OPRD1: variants seen among roughly 807,000 people sequenced by gnomAD.
OPRD1 encodes the protein opioid receptor delta 1.
OPRD1 carries 19 observed loss-of-function variants against 17.5 expected under a neutral mutation model. That is an observed-to-expected ratio of 1.09 (90% CI 0.76 to 1.60). The LOEUF (loss-of-function observed/expected upper bound fraction) is 1.60. Among genes scored for constraint, OPRD1 ranks in the 40% most tolerant of loss-of-function variants. The pLI is 0.00. For synonymous variants in OPRD1, 256 were observed against 240.9 expected (o/e 1.06, Z -0.58); for missense variants, 483 against 547.2 (o/e 0.88, Z 1.17).
At chr1:28,856,173 G>A (rs564592557) in intron 1 of OPRD1, among the ~76,000 whole-genome samples, 4 of 152,364 alleles carry the variant, frequency 2.6e-5, no homozygotes, top group African/African-American at 9.6e-5. Context: ...CTCAGTTCTC[G>A]CCTTGGCTCC....
chr1:28,825,760 G>C (rs951851646), intron 1 of OPRD1, among the ~76,000 whole-genome samples: 1 of 152,228 alleles, frequency 6.6e-6, no homozygotes, highest in African/African-American at 2.4e-5. Context: ...AGAACTCCAG[G>C]TTCCCTGGGA....
Position 28,849,494 on chromosome 1 carries a change from ACACACACACACATG to A in OPRD1, c.228-9447_228-9434del, listed in dbSNP as rs1157864679. 2.6e-5 allele frequency among the ~76,000 whole-genome samples: 4 copies of A among 151,846 alleles called. 1 individual carries two copies. Among genetic ancestry groups the A allele is most frequent in the Non-Finnish European group, 5.9e-5 (4 of 67,912 alleles). ...ACAGAGCCCTCACACTGATACACAT[ACACACACACACATG>A]CACACACACACACGCACACACAGGG... On this transcript the variant is annotated intron_variant, in intron 1 of 2. Coordinates refer to ENST00000234961, the MANE Select transcript of OPRD1 (RefSeq NM_000911.4).
intron 1 of OPRD1, among the ~76,000 whole-genome samples, chr1:28,852,701 T>C (rs966059642): frequency 2.0e-5 from 3 of 151,948 alleles, no homozygotes; most frequent in African/African-American, 7.3e-5. Flanking sequence ...CTTTCTTTCT[T>C]TTTCTTTTTA....
intron 1 of OPRD1, among the ~76,000 whole-genome samples, chr1:28,817,218 A>C (rs537497464): frequency 6.6e-6 from 1 of 152,276 alleles, no homozygotes; most frequent in South Asian, 2.1e-4. Flanking sequence ...AGCAAGCCGG[A>C]TCGCCTCACT....
intron 2 of OPRD1, among the ~76,000 whole-genome samples, chr1:28,861,908 CTTTTCT>C (rs1359368593): frequency 1.4e-5 from 2 of 144,156 alleles, no homozygotes; most frequent in Non-Finnish European, 3.0e-5. Context: ...CTTTTCTTTT[CTTTTCT>C]TTTTTTTTTT....
At chr1:28,824,220 C>A (rs2124262986) in intron 1 of OPRD1, among the ~76,000 whole-genome samples, 1 of 148,510 alleles carries the variant, frequency 6.7e-6, no homozygotes, top group East Asian at 2.0e-4. Context: ...GAACACCACA[C>A]AGAGAGAGGC....
intron 1 of OPRD1, among the ~76,000 whole-genome samples, chr1:28,847,344 G>A (rs537998516): frequency 1.5e-4 from 23 of 152,108 alleles, no homozygotes; most frequent in African/African-American, 5.3e-4. Flanking sequence ...GAGCTACCGC[G>A]CCCAGCCGAG....
intron 1 of OPRD1, among the ~76,000 whole-genome samples, chr1:28,824,319 T>C (rs929563261): frequency 1.4e-4 from 19 of 134,554 alleles, no homozygotes; most frequent in Admixed American, 4.3e-4. Flanking sequence ...TTTTCTTTTT[T>C]TTTTTTTTTT....
At chr1:28,849,004 C>T (rs1016588919) in intron 1 of OPRD1, among the ~76,000 whole-genome samples, 1 of 152,154 alleles carries the variant, frequency 6.6e-6, no homozygotes, top group Admixed American at 6.5e-5. Context: ...CTCCACTCTG[C>T]AAGAAGGCAA....
At chr1:28,845,361 A>C (rs1364787640) in intron 1 of OPRD1, among the ~76,000 whole-genome samples, 1 of 151,258 alleles carries the variant, frequency 6.6e-6, no homozygotes, top group Non-Finnish European at 1.5e-5. Context: ...TGCTGGTGGG[A>C]GCCTATAATC....
chr1:28,828,847 G>A (rs934106039), intron 1 of OPRD1, among the ~76,000 whole-genome samples: 3 of 151,910 alleles, frequency 2.0e-5, no homozygotes, highest in Non-Finnish European at 4.4e-5. Context: ...AAAATTAGCC[G>A]GGTGTGATGA....
chr1:28,846,359 G>A (rs1023614374), intron 1 of OPRD1, among the ~76,000 whole-genome samples: 6 of 152,126 alleles, frequency 3.9e-5, no homozygotes, highest in Non-Finnish European at 7.3e-5. Context: ...CTGCCACCAC[G>A]GTCAGGTTCT....
intron 1 of OPRD1, among the ~76,000 whole-genome samples, chr1:28,819,404 T>C (rs1373728168): frequency 6.6e-6 from 1 of 152,186 alleles, no homozygotes; most frequent in Non-Finnish European, 1.5e-5. Flanking sequence ...TGGTCTTGCC[T>C]GGAGCCTGCT....
At chr1:28,854,738 C>T (rs746387537) in intron 1 of OPRD1, among the ~76,000 whole-genome samples, 13 of 151,922 alleles carry the variant, frequency 8.6e-5, no homozygotes, top group Admixed American at 3.9e-4. Flanking sequence ...CTGCAACCTC[C>T]GCCTCCTGGG....
chr1:28,833,753 G>A (rs944069852), intron 1 of OPRD1, among the ~76,000 whole-genome samples: 2 of 152,146 alleles, frequency 1.3e-5, no homozygotes, highest in Non-Finnish European at 2.9e-5. Context: ...GCTGTGTTTC[G>A]TTGGGCAAGT....
chr1:28,847,043 T>TTCTCCTTTCCTG (rs2088960061), intron 1 of OPRD1, among the ~76,000 whole-genome samples: 2 of 61,834 alleles, frequency 3.2e-5, no homozygotes, highest in Admixed American at 3.4e-4. Context: ...CCCCTTTCCT[T>TTCTCCTTTCCTG]TCCCCTTTCC....
At chr1:28,849,780 C>T (rs755899193) in intron 1 of OPRD1, among the ~76,000 whole-genome samples, 14 of 151,580 alleles carry the variant, frequency 9.2e-5, no homozygotes, top group Non-Finnish European at 1.9e-4. Flanking sequence ...GAGAAGGTAT[C>T]ATGTCCCTGA....
At chr1:28,833,381 A>G (rs2088824167) in intron 1 of OPRD1, among the ~76,000 whole-genome samples, 1 of 152,212 alleles carries the variant, frequency 6.6e-6, no homozygotes, top group Non-Finnish European at 1.5e-5. Flanking sequence ...AAGCACCAGT[A>G]GGATATATTT....
At chr1:28,822,005 G>A (rs989181063) in intron 1 of OPRD1, among the ~76,000 whole-genome samples, 3 of 150,596 alleles carry the variant, frequency 2.0e-5, no homozygotes, top group African/African-American at 7.4e-5. Context: ...AGGCTGGAGT[G>A]CAATGGCGCA....
Sources: allele counts gnomAD v4.1 joint callset (sites outside exome capture counted in the v4.1 genomes callset), GRCh38; gene constraint gnomAD v4.1.1; transcripts MANE v1.5; gene names NCBI Gene and HGNC (gene_info 2026-07-23, HGNC 2026-07-21).